DOCK2: variants seen among roughly 807,000 people sequenced by gnomAD.
DOCK2 encodes dedicator of cytokinesis 2.
DOCK2 carries 87 observed loss-of-function variants against 248.9 expected under a neutral mutation model. That is an observed-to-expected ratio of 0.35 (90% CI 0.29 to 0.42). The LOEUF (loss-of-function observed/expected upper bound fraction) is 0.42, where lower values mean the gene tolerates loss of function less well. DOCK2 is among the 10% of genes least tolerant of loss of function. The pLI is 1.00. For synonymous variants in DOCK2, 805 were observed against 821.6 expected (o/e 0.98, Z 0.35); for missense variants, 1,747 against 2,300.2 (o/e 0.76, Z 4.92).
chr5:169,815,454 C>A (rs261010), intron 26 of DOCK2, among the ~76,000 whole-genome samples: 41,461 of 152,002 alleles, frequency 0.27, 7,444 homozygotes, highest in African/African-American at 0.51. Context: ...CACACTCCCT[C>A]CTTCCTATCC....
intron 27 of DOCK2, among the ~76,000 whole-genome samples, chr5:169,976,642 C>T (rs1216735037): frequency 6.6e-6 from 1 of 152,150 alleles, no homozygotes; most frequent in Non-Finnish European, 1.5e-5. Flanking sequence ...CAAGCACAGG[C>T]TCCAACCAGG....
chr5:169,673,995 G>A (rs1021259376), intron 5 of DOCK2, among the ~76,000 whole-genome samples: 1 of 152,208 alleles, frequency 6.6e-6, no homozygotes, highest in Non-Finnish European at 1.5e-5. Context: ...CTCCATTAGG[G>A]CAGATGTTCG....
At chr5:169,980,328 G>A (rs550963360) in intron 27 of DOCK2, 1 of 152,210 alleles carries the variant, frequency 6.6e-6, no homozygotes, top group Non-Finnish European at 1.5e-5. Context: ...CTTGCACAAT[G>A]AGCCAGGCTT....
At chr5:170,078,357 T>G (rs1382095850) in intron 48 of DOCK2, among the ~76,000 whole-genome samples, 2 of 152,154 alleles carry the variant, frequency 1.3e-5, no homozygotes, top group African/African-American at 4.8e-5. Context: ...CCTGCGGGCC[T>G]CAGAGGTTAC....
chr5:169,717,327 G>C (rs1268916165), intron 20 of DOCK2, 57 bp from the exon 21 acceptor site: 2 of 1,456,258 alleles, frequency 1.4e-6, no homozygotes, highest in Non-Finnish European at 1.9e-6. Flanking sequence ...GCCAGGTAAA[G>C]ATGGCTTCCT....
intron 27 of DOCK2, among the ~76,000 whole-genome samples, chr5:169,930,119 T>C (rs1162339400): frequency 3.3e-5 from 5 of 152,220 alleles, no homozygotes; most frequent in African/African-American, 1.2e-4. Flanking sequence ...GCCTCCCGAG[T>C]AGCTGGGACT....
chr5:169,768,582 G>A (rs575461235), intron 25 of DOCK2, among the ~76,000 whole-genome samples: 16 of 152,306 alleles, frequency 1.1e-4, no homozygotes, highest in Admixed American at 9.2e-4. Flanking sequence ...CCTGGGAGGG[G>A]GATGAGGCTC....
At chr5:169,911,142 T>C (rs1774572700) in intron 27 of DOCK2, among the ~76,000 whole-genome samples, 1 of 152,202 alleles carries the variant, frequency 6.6e-6, no homozygotes, top group Admixed American at 6.5e-5. Flanking sequence ...TTTATTTTAT[T>C]TTATTATTTT....
At chr5:169,811,326 CTT>C (rs1767739551) in intron 26 of DOCK2, among the ~76,000 whole-genome samples, 1 of 152,212 alleles carries the variant, frequency 6.6e-6, no homozygotes, top group Non-Finnish European at 1.5e-5. Context: ...GCCACTGCCT[CTT>C]TGCATTACTG....
chr5:169,921,370 G>GC (rs1397474263), intron 27 of DOCK2, among the ~76,000 whole-genome samples: 2 of 152,152 alleles, frequency 1.3e-5, no homozygotes, highest in Non-Finnish European at 2.9e-5. Context: ...TTCTTTCTCA[G>GC]CATAGGGGTC....
chr5:169,880,342 A>G (rs1460911592), intron 27 of DOCK2, among the ~76,000 whole-genome samples: 1 of 152,232 alleles, frequency 6.6e-6, no homozygotes, highest in Non-Finnish European at 1.5e-5. Context: ...TCTCTTACTC[A>G]TTGAAATTTC....
At chr5:169,882,960 T>G in intron 27 of DOCK2, 1 of 1,551,698 alleles carries the variant, frequency 6.4e-7, no homozygotes. Context: ...GGGAGCCTTG[T>G]GAGGGGGAAC....
chr5:169,727,664 C>T (rs1346417294), intron 22 of DOCK2, among the ~76,000 whole-genome samples: 2 of 152,166 alleles, frequency 1.3e-5, no homozygotes, highest in Non-Finnish European at 2.9e-5. Context: ...TCAGATAAAA[C>T]TATTAAAATT....
At chr5:169,979,163 T>C (rs1777848941) in intron 27 of DOCK2, among the ~76,000 whole-genome samples, 1 of 152,134 alleles carries the variant, frequency 6.6e-6, no homozygotes, top group Non-Finnish European at 1.5e-5. Flanking sequence ...ACCCCTCTGT[T>C]CCCCATGCAG....
intron 34 of DOCK2, among the ~76,000 whole-genome samples, 174 bp from the exon 35 acceptor site, chr5:170,034,225 G>A (rs1426828427): frequency 6.6e-6 from 1 of 151,784 alleles, no homozygotes; most frequent in Non-Finnish European, 1.5e-5. Flanking sequence ...TCTGATGTTA[G>A]AAAAAAAATT....
rs1366584545 is a variant in DOCK2 at position 169,718,422 on chromosome 5, A to AT, written c.2133-226dup. On this transcript the variant is annotated intron_variant, in intron 21 of 51. Transcript: ENST00000520908. Reference sequence around the variant, plus strand: ...TGTGACTAGTTCTCCTAGTCAAAAGATTTTTTTTTCCTCCCTATCTTTTTC... The same window carrying AT: ...TGTGACTAGTTCTCCTAGTCAAAAGATTTTTTTTTTCCTCCCTATCTTTTTC... Among the ~76,000 whole-genome samples, 6 of 151,774 alleles carry AT rather than the reference A, an allele frequency of 4.0e-5. No homozygotes were observed. In the South Asian group the frequency reaches 6.3e-4, roughly 16 times the overall value.
chr5:169,968,286 G>A (rs1022838392), intron 27 of DOCK2, among the ~76,000 whole-genome samples: 17 of 152,148 alleles, frequency 1.1e-4, no homozygotes, highest in African/African-American at 4.1e-4. Flanking sequence ...GAAGACCTTT[G>A]TCCTTTAAAA....
chr5:169,947,609 C>T (rs961791929), intron 27 of DOCK2, among the ~76,000 whole-genome samples: 3 of 152,174 alleles, frequency 2.0e-5, no homozygotes, highest in African/African-American at 7.2e-5. Context: ...TTTTTTGTCT[C>T]ATTATTTCTT....
chr5:170,045,698 C>A, intron 38 of DOCK2, 118 bp from the exon 39 acceptor site: 1 of 1,001,218 alleles, frequency 1.0e-6, no homozygotes, highest in South Asian at 1.3e-5. Context: ...GGATCTGGGT[C>A]AGAGCAAGGT....
Sources: gnomAD v4.1 joint callset for allele counts (sites outside exome capture counted in the v4.1 genomes callset) on GRCh38, gnomAD v4.1.1 for gene constraint, MANE v1.5 for transcripts, NCBI Gene and HGNC (gene_info 2026-07-23, HGNC 2026-07-21) for gene names.